The following PAK5 variants were observed in gnomAD, a reference collection of about 807,000 sequenced individuals.
The protein encoded by PAK5 is serine/threonine-protein kinase PAK 5.
A neutral mutation model predicts 65.9 loss-of-function variants in PAK5; 16 were observed. The ratio of observed to expected loss-of-function variants is 0.24; its 90% confidence interval spans 0.16 to 0.37. The LOEUF is 0.37. PAK5 is among the 10% of genes least tolerant of loss of function. The pLI is 1.00. For missense variants in PAK5, 785 were observed against 903.9 expected (o/e 0.87, Z 1.69); for synonymous variants, 371 against 354.9 (o/e 1.05, Z -0.51).
intron 6 of PAK5, among the ~76,000 whole-genome samples, chr20:9,558,884 A>T (rs917708212): frequency 2.0e-5 from 3 of 152,166 alleles, no homozygotes; most frequent in Non-Finnish European, 4.4e-5. Flanking sequence ...CCTTCTCCAC[A>T]GTTTTAGAGG....
intron 1 of PAK5, among the ~76,000 whole-genome samples, chr20:9,831,046 G>A (rs982048810): frequency 1.3e-5 from 2 of 152,220 alleles, no homozygotes; most frequent in Non-Finnish European, 2.9e-5. Flanking sequence ...CCTATCCCAT[G>A]CCCAGTGGGC....
rs550079596 is a variant in PAK5, at chr20:9,814,246, C to T, written c.-162+24516G>A. 4.8e-4 allele frequency among the ~76,000 whole-genome samples: 73 copies of T among 152,096 alleles called. 1 individual carries two copies. Among genetic ancestry groups the T allele is most frequent in the African/African-American group, 8.9e-4 (37 of 41,492 alleles). ...ATTTTATTTAGATCCAAAGTGAGGC[C>T]GTTGAAAGATTCTACATAGGAATTG... On this transcript the variant is annotated intron_variant, in intron 1 of 9. Coordinates refer to ENST00000353224, the MANE Select transcript of PAK5 (RefSeq NM_177990.4).
intron 3 of PAK5, among the ~76,000 whole-genome samples, chr20:9,632,908 G>A (rs2046940568): frequency 1.3e-5 from 2 of 152,310 alleles, no homozygotes; most frequent in South Asian, 4.1e-4. Context: ...TAGGTATAAG[G>A]TTTGAGTCCT....
At chr20:9,658,961 C>A (rs1331144567) in intron 2 of PAK5, among the ~76,000 whole-genome samples, 1 of 152,116 alleles carries the variant, frequency 6.6e-6, no homozygotes, top group Non-Finnish European at 1.5e-5. Context: ...CTTCTGCCCT[C>A]TCTTAAAAAG....
In PAK5 at chr20:9,831,869, C is replaced by T. The variant is rs114487010; in HGVS notation, c.-162+6893G>A. Among the ~76,000 whole-genome samples, 1,031 of 152,180 alleles carry T rather than the reference C, an allele frequency of 6.8e-3. 13 individuals carry two copies. The highest frequency in any genetic ancestry group is 0.024 in the African/African-American group (978 of 41,504). ...ATAAAAGCCATCCATATTTCCACCA[C>T]CCAGAGATTGCCTAACTTTTTAATT... On this transcript the variant is annotated intron_variant, in intron 1 of 9. Coordinates refer to ENST00000353224, the MANE Select transcript of PAK5 (RefSeq NM_177990.4).
intron 2 of PAK5, among the ~76,000 whole-genome samples, chr20:9,703,257 T>C (rs556088575): frequency 6.6e-6 from 1 of 152,316 alleles, no homozygotes; most frequent in East Asian, 1.9e-4. Context: ...TGAGTGAGTG[T>C]CTCTATATCA....
chr20:9,770,985 G>C (rs1395621417), intron 1 of PAK5, among the ~76,000 whole-genome samples: 2 of 152,124 alleles, frequency 1.3e-5, no homozygotes, highest in Non-Finnish European at 2.9e-5. Context: ...AAAGGACAGA[G>C]GAGACTCCTG....
chr20:9,722,404 A>G (rs2048226052), intron 1 of PAK5, among the ~76,000 whole-genome samples: 1 of 151,948 alleles, frequency 6.6e-6, no homozygotes, highest in South Asian at 2.1e-4. Flanking sequence ...CGAGGTCAGG[A>G]GATCGAGACC....
At chr20:9,728,356 A>G (rs1251469513) in intron 1 of PAK5, among the ~76,000 whole-genome samples, 3 of 152,130 alleles carry the variant, frequency 2.0e-5, no homozygotes, top group Non-Finnish European at 2.9e-5. Flanking sequence ...GTGCACAAAT[A>G]AACTAAAATA....
At chr20:9,680,913 C>T (rs1022584561) in intron 2 of PAK5, among the ~76,000 whole-genome samples, 8 of 152,154 alleles carry the variant, frequency 5.3e-5, no homozygotes, top group Admixed American at 2.0e-4. Flanking sequence ...TTGTTAGGTG[C>T]GGCGTTTTAT....
chr20:9,821,245 G>A (rs760041876), intron 1 of PAK5, among the ~76,000 whole-genome samples: 1 of 152,128 alleles, frequency 6.6e-6, no homozygotes, highest in Non-Finnish European at 1.5e-5. Context: ...GCTGGGCATG[G>A]TGGTGGGGAC....
intron 3 of PAK5, among the ~76,000 whole-genome samples, chr20:9,607,765 A>C (rs1199881641): frequency 6.6e-6 from 1 of 152,106 alleles, no homozygotes; most frequent in Non-Finnish European, 1.5e-5. Flanking sequence ...GGTTGAGGCT[A>C]CAGTGAGATA....
intron 7 of PAK5, among the ~76,000 whole-genome samples, chr20:9,553,342 T>C (rs900803900): frequency 1.3e-5 from 2 of 152,184 alleles, no homozygotes; most frequent in East Asian, 1.9e-4. Flanking sequence ...GGAGACTGTG[T>C]AGAACAGTGC....
chr20:9,720,268 T>C (rs1255953507), intron 1 of PAK5, among the ~76,000 whole-genome samples: 2 of 151,994 alleles, frequency 1.3e-5, no homozygotes, highest in African/African-American at 2.4e-5. Flanking sequence ...AAAAAAGTTA[T>C]TTTTATTTTT....
chr20:9,818,175 C>T (rs1417748351), intron 1 of PAK5, among the ~76,000 whole-genome samples: 1 of 152,208 alleles, frequency 6.6e-6, no homozygotes, highest in East Asian at 1.9e-4. Context: ...TGATCACTCT[C>T]CATATCTGAT....
chr20:9,546,534 G>A (rs752740556), intron 7 of PAK5, among the ~76,000 whole-genome samples: 18 of 152,152 alleles, frequency 1.2e-4, no homozygotes, highest in Non-Finnish European at 2.2e-4. Context: ...CCCTTGAAGG[G>A]CCATAGCATG....
chr20:9,746,242 G>A (rs919817949), intron 1 of PAK5, among the ~76,000 whole-genome samples: 4 of 152,064 alleles, frequency 2.6e-5, no homozygotes, highest in Non-Finnish European at 4.4e-5. Flanking sequence ...CTCTTAAGGC[G>A]CTTTCCCATT....
At chr20:9,572,957 G>T (rs1014980795) in intron 4 of PAK5, among the ~76,000 whole-genome samples, 1 of 152,188 alleles carries the variant, frequency 6.6e-6, no homozygotes, top group Non-Finnish European at 1.5e-5. Flanking sequence ...TTATCACCCA[G>T]GCTGCTAAAC....
At chr20:9,679,181 G>A (rs2047616232) in intron 2 of PAK5, among the ~76,000 whole-genome samples, 1 of 152,110 alleles carries the variant, frequency 6.6e-6, no homozygotes, top group Non-Finnish European at 1.5e-5. Flanking sequence ...ATTTTTCTCA[G>A]TAACATATTC....
Sources: gnomAD v4.1 joint callset for allele counts (sites outside exome capture counted in the v4.1 genomes callset) on GRCh38, gnomAD v4.1.1 for gene constraint, MANE v1.5 for transcripts, NCBI Gene and HGNC (gene_info 2026-07-23, HGNC 2026-07-21) for gene names.